Variants in CCSER2 observed in about 807,000 individuals in gnomAD.
CCSER2 encodes the protein serine-rich coiled-coil domain-containing protein 2.
A neutral mutation model predicts 92.3 loss-of-function variants in CCSER2; 46 were observed. That is an observed-to-expected ratio of 0.50 (90% CI 0.39 to 0.64). The LOEUF (loss-of-function observed/expected upper bound fraction) is 0.64. Among genes scored for constraint, CCSER2 ranks in the 30% least tolerant of loss-of-function variants. The pLI is 0.00. For synonymous variants in CCSER2, 433 were observed against 431.4 expected (o/e 1.00, Z -0.04); for missense variants, 1,244 against 1,238.9 (o/e 1.00, Z -0.06).
intron 5 of CCSER2, among the ~76,000 whole-genome samples, chr10:84,432,391 A>C (rs1843825403): frequency 6.6e-6 from 1 of 152,092 alleles, no homozygotes; most frequent in Non-Finnish European, 1.5e-5. Flanking sequence ...ACAATTTTTC[A>C]GCCCTTGCTC....
chr10:84,471,712 T>C (rs1351891243), intron 8 of CCSER2, among the ~76,000 whole-genome samples: 2 of 152,174 alleles, frequency 1.3e-5, no homozygotes. Context: ...GAGCCACTAG[T>C]TGGAGAAAAC....
chr10:84,463,990 C>T lies in CCSER2; in HGVS notation c.2122C>T (p.Pro708Ser), dbSNP rs747493933. 1 of 1,608,664 alleles carries T rather than the reference C, an allele frequency of 6.2e-7. No individual in the cohort carries two copies. Among genetic ancestry groups the T allele is most frequent in the Non-Finnish European group, 8.5e-7 (1 of 1,175,662 alleles). Residue 708 changes from proline (P) to serine (S), a missense_variant, in exon 7 of 10, where the codon CCA (proline) becomes TCA (serine). Coordinates refer to ENST00000372088, the MANE Select transcript of CCSER2 (RefSeq NM_001284240.2). The stretch of plus-strand genomic sequence containing the variant: ...ACTGTCATTGCCATCCAGTCCAGAA[C>T]CAGAAGATGGTGATAAAGTATATAA... ...IQLSLPSSPE[P>S]EDGDKVYKNE...
At chr10:84,490,371 G>T (rs1008974658) in intron 9 of CCSER2, among the ~76,000 whole-genome samples, 8 of 152,142 alleles carry the variant, frequency 5.3e-5, no homozygotes, top group African/African-American at 1.9e-4. Context: ...TCACTTTCAG[G>T]TACACCAATC....
chr10:84,479,906 G>C (rs1847360315), intron 9 of CCSER2, among the ~76,000 whole-genome samples: 1 of 152,062 alleles, frequency 6.6e-6, no homozygotes, highest in Admixed American at 6.5e-5. Flanking sequence ...GGAGGACAGA[G>C]GCTTAATCTT....
chr10:84,443,907 C>A (rs773314155), intron 6 of CCSER2, among the ~76,000 whole-genome samples: 1 of 152,030 alleles, frequency 6.6e-6, no homozygotes, highest in Non-Finnish European at 1.5e-5. Flanking sequence ...AAACCAAACA[C>A]TGCATGTTCT....
At chr10:84,502,364 CTTCT>C (rs1475525147) in intron 9 of CCSER2, among the ~76,000 whole-genome samples, 2 of 119,550 alleles carry the variant, frequency 1.7e-5, no homozygotes, top group Non-Finnish European at 3.7e-5. Context: ...TCTTTGATGA[CTTCT>C]TTTTTTTTTT....
chr10:84,458,622 G>A (rs1031112217), intron 6 of CCSER2, among the ~76,000 whole-genome samples: 1 of 152,174 alleles, frequency 6.6e-6, no homozygotes, highest in Non-Finnish European at 1.5e-5. Context: ...GTTTGGAAGA[G>A]AATTGATATC....
In CCSER2 at chr10:84,512,393, T is replaced by TGA. The variant is rs1283477216; in HGVS notation, c.2326-1055_2326-1054insAG. Among the ~76,000 whole-genome samples the TGA allele has an allele frequency of 5.4e-3, 656 of 122,256 alleles. 8 individuals are homozygous for TGA. Among genetic ancestry groups the TGA allele is most frequent in the African/African-American group, 0.018 (639 of 34,578 alleles). 80.2% of individuals were successfully genotyped at this position (122,256 alleles called of 152,430 possible). A position where few individuals can be genotyped will look rare whatever the true frequency, so the allele number is the denominator to read the frequency against. Reference sequence around the variant, plus strand: ...GTGTGTGTGTGTGTGTGTGTGTGTGTGTGAGAGAGAGAGAGAGAGAGAGGA... The same window carrying TGA: ...GTGTGTGTGTGTGTGTGTGTGTGTGTGAGTGAGAGAGAGAGAGAGAGAGAGGA... On this transcript the variant is annotated intron_variant, in intron 9 of 9. Transcript: ENST00000372088.
intron 3 of CCSER2, among the ~76,000 whole-genome samples, chr10:84,399,287 T>C (rs1841995891): frequency 6.6e-6 from 1 of 152,214 alleles, no homozygotes; most frequent in Non-Finnish European, 1.5e-5. Context: ...GCATGTGGTA[T>C]GTGACTTTCT....
chr10:84,424,398 A>G (rs1843322154), intron 4 of CCSER2, among the ~76,000 whole-genome samples: 1 of 152,186 alleles, frequency 6.6e-6, no homozygotes, highest in Admixed American at 6.5e-5. Flanking sequence ...TATTAAATGT[A>G]TATTTCTTCT....
chr10:84,380,409 G>A (rs1266521161), intron 3 of CCSER2, among the ~76,000 whole-genome samples: 2 of 152,054 alleles, frequency 1.3e-5, no homozygotes, highest in Non-Finnish European at 2.9e-5. Flanking sequence ...TCTTCTCTGA[G>A]CCTGTTGCTT....
chr10:84,380,405 C>T (rs1840829410), intron 3 of CCSER2, among the ~76,000 whole-genome samples: 1 of 152,112 alleles, frequency 6.6e-6, no homozygotes, highest in African/African-American at 2.4e-5. Flanking sequence ...GTAATCTTCT[C>T]TGAGCCTGTT....
chr10:84,478,420 T>C (rs1163623908), intron 9 of CCSER2, among the ~76,000 whole-genome samples: 3 of 152,190 alleles, frequency 2.0e-5, no homozygotes, highest in Non-Finnish European at 4.4e-5. Context: ...TTTTGCCTTA[T>C]ATTTAGGAGT....
intron 1 of CCSER2, among the ~76,000 whole-genome samples, chr10:84,368,403 C>G (rs961813044): frequency 6.6e-6 from 1 of 151,858 alleles, no homozygotes; most frequent in Non-Finnish European, 1.5e-5. Flanking sequence ...CACATACACA[C>G]AAATATATAT....
chr10:84,437,335 A>C (rs1282173822), intron 5 of CCSER2, among the ~76,000 whole-genome samples: 1 of 152,174 alleles, frequency 6.6e-6, no homozygotes, highest in African/African-American at 2.4e-5. Context: ...CCTGGCCAAC[A>C]TGGTGAAACC....
At chr10:84,451,368 A>T (rs988157979) in intron 6 of CCSER2, among the ~76,000 whole-genome samples, 1 of 151,748 alleles carries the variant, frequency 6.6e-6, no homozygotes, top group East Asian at 1.9e-4. Flanking sequence ...GCAGCCTCAA[A>T]CTTCTGGCTT....
At chr10:84,376,170 G>C (rs1846326804) in intron 3 of CCSER2, among the ~76,000 whole-genome samples, 2 of 152,060 alleles carry the variant, frequency 1.3e-5, no homozygotes, top group Non-Finnish European at 2.9e-5. Context: ...TTTGTAGACT[G>C]ATTACTTTTC....
intron 4 of CCSER2, among the ~76,000 whole-genome samples, chr10:84,423,356 TA>T (rs1328092773): frequency 6.6e-6 from 1 of 152,250 alleles, no homozygotes; most frequent in African/African-American, 2.4e-5. Context: ...CTTTTGTGGT[TA>T]TGGCAAATGT....
At chr10:84,353,966 G>A (rs371136448) in intron 1 of CCSER2, among the ~76,000 whole-genome samples, 1 of 152,186 alleles carries the variant, frequency 6.6e-6, no homozygotes, top group African/African-American at 2.4e-5. Flanking sequence ...GGGAGGCTGA[G>A]GCGGGTGGAT....
Sources: gnomAD v4.1 joint callset for allele counts (sites outside exome capture counted in the v4.1 genomes callset) on GRCh38, gnomAD v4.1.1 for gene constraint, MANE v1.5 for transcripts, NCBI Gene and HGNC (gene_info 2026-07-23, HGNC 2026-07-21) for gene names.